MEGF6: variants seen among roughly 807,000 people sequenced by gnomAD.
MEGF6 encodes the protein multiple epidermal growth factor-like domains protein 6.
Under a neutral mutation model 207.1 loss-of-function variants are expected in MEGF6, and 184 were observed. That is an observed-to-expected ratio of 0.89 (90% CI 0.79 to 1.00). The LOEUF is 1.00. Ranked by LOEUF, MEGF6 falls within the 50% of genes least tolerant of loss-of-function variation. The probability of loss-of-function intolerance (pLI) is 0.00; values close to 1 mark genes in which losing one functional copy is unlikely to be tolerated. For synonymous variants in MEGF6, 1,038 were observed against 910.0 expected (o/e 1.14, Z -2.53); for missense variants, 2,282 against 2,202.9 (o/e 1.04, Z -0.72).
At chr1:3,541,616 G>T (rs966438866) in intron 4 of MEGF6, among the ~76,000 whole-genome samples, 1 of 152,192 alleles carries the variant, frequency 6.6e-6, no homozygotes, top group Non-Finnish European at 1.5e-5. Context: ...CCCGAGGGGG[G>T]CAGCCGGTCA....
intron 2 of MEGF6, among the ~76,000 whole-genome samples, chr1:3,596,512 C>T (rs1644068499): frequency 7.6e-6 from 1 of 130,740 alleles, no homozygotes; most frequent in African/African-American, 2.9e-5. Context: ...GCCCCCGTCT[C>T]CACCCCAGGG....
At chr1:3,605,148 ACACT>A (rs3072238) in intron 1 of MEGF6, among the ~76,000 whole-genome samples, 48,301 of 151,410 alleles carry the variant, frequency 0.32, 7,811 homozygotes, top group Admixed American at 0.38. Context: ...ACACAGTCAC[ACACT>A]CACAGTCACA....
rs560085187 is a variant in MEGF6 at position 3,590,559 on chromosome 1, C to T, written c.376+4779G>A. Among the ~76,000 whole-genome samples the T allele has an allele frequency of 2.0e-4, 30 of 152,324 alleles. No homozygotes were observed. In the South Asian group the frequency reaches 4.8e-3, roughly 24 times the overall value. ...TCATAACACGATTAGCAGCTTCCGG[C>T]CAGTCTCACGGGCGTTAGCCTACTC... On this transcript the variant is annotated intron_variant, in intron 3 of 36. Coordinates refer to ENST00000356575, the MANE Select transcript of MEGF6 (RefSeq NM_001409.4).
At position 3,499,728 on chromosome 1, in the gene MEGF6, G is replaced by A. The variant is rs745377387; in HGVS notation, c.2837-12C>T. On this transcript the variant is annotated splice_polypyrimidine_tract_variant and intron_variant, in intron 22 of 36. Coordinates refer to ENST00000356575, the MANE Select transcript of MEGF6 (RefSeq NM_001409.4). ...GCCGGCCGGGCAGGCTGCAGACAGCGGGCAGTGATGTGGAGGGGCCCACAC... is the reference window on the plus strand; with the variant it reads ...GCCGGCCGGGCAGGCTGCAGACAGCAGGCAGTGATGTGGAGGGGCCCACAC... The A allele has an allele frequency of 5.1e-5, 82 of 1,602,198 alleles. No homozygotes were observed. Among genetic ancestry groups the A allele is most frequent in the South Asian group, 3.0e-4 (27 of 89,190 alleles).
rs1429878805 is a variant in MEGF6 at position 3,611,449 on chromosome 1, G to A, written c.-181C>T. The A allele has an allele frequency of 3.7e-6, 3 of 801,970 alleles. No individual in the cohort carries two copies. The highest frequency in any genetic ancestry group is 3.7e-5 in the African/African-American group (2 of 54,680). 49.7% of individuals were successfully genotyped at this position (801,970 alleles called of 1,614,324 possible). A position where few individuals can be genotyped will look rare whatever the true frequency, so the allele number is the denominator to read the frequency against. On this transcript the variant is annotated 5_prime_UTR_variant, in exon 1 of 37. Transcript: ENST00000356575. The stretch of plus-strand genomic sequence containing the variant: ...TCCCGCCCGCGCCCAAAGTGGCACC[G>A]CGGAGACCTGATCGCCGGGTCCACC...
At chr1:3,566,804 G>A (rs879381108) in intron 4 of MEGF6, among the ~76,000 whole-genome samples, 10 of 152,320 alleles carry the variant, frequency 6.6e-5, no homozygotes, top group Middle Eastern at 3.4e-3. Flanking sequence ...CTGGGTCCTC[G>A]GTGCTACAAA....
At chr1:3,513,798 C>T (rs1203059623) in intron 7 of MEGF6, among the ~76,000 whole-genome samples, 2 of 151,578 alleles carry the variant, frequency 1.3e-5, no homozygotes, top group Non-Finnish European at 2.9e-5. Context: ...CGCCATGCTG[C>T]CTAGGCTGGT....
chr1:3,505,377 C>A, intron 16 of MEGF6, 35 bp from the exon 17 acceptor site: 1 of 1,605,858 alleles, frequency 6.2e-7, no homozygotes, highest in Non-Finnish European at 8.5e-7. Context: ...GTGGGGTTAA[C>A]CGACCCTGGC....
In MEGF6 at chr1:3,594,335, G is replaced by A. The variant is rs961711984; in HGVS notation, c.376+1003C>T. On this transcript the variant is annotated intron_variant, in intron 3 of 36. Coordinates refer to ENST00000356575, the MANE Select transcript of MEGF6 (RefSeq NM_001409.4). The surrounding 1 kb of genome is among the most constrained non-coding windows in gnomAD (Gnocchi z 4.2). ...TCTCAGCCACTCGGGAGGCTGAGGT[G>A]GGAGGATTGCTTGAGTCCAGGAATT... Among the ~76,000 whole-genome samples, 2 of 152,206 alleles carry A rather than the reference G, an allele frequency of 1.3e-5. No individual in the cohort carries two copies. The highest frequency in any genetic ancestry group is 4.8e-5 in the African/African-American group (2 of 41,450).
At chr1:3,496,912 C>T in intron 28 of MEGF6, 76 bp downstream of exon 28, 7 of 1,527,698 alleles carry the variant, frequency 4.6e-6, no homozygotes, top group Non-Finnish European at 6.2e-6. Flanking sequence ...AGGGCCTTCC[C>T]GGGGACCAGG....
At chr1:3,610,359 G>A (rs1231643011) in intron 1 of MEGF6, among the ~76,000 whole-genome samples, 2 of 152,168 alleles carry the variant, frequency 1.3e-5, no homozygotes, top group Non-Finnish European at 2.9e-5. Flanking sequence ...GGGCCCCTCT[G>A]TGGCCCCTGG....
chr1:3,494,545 C>A, intron 31 of MEGF6, 46 bp from the exon 32 acceptor site: 1 of 1,568,772 alleles, frequency 6.4e-7, no homozygotes, highest in Non-Finnish European at 8.6e-7. Flanking sequence ...CAGCCTTGCC[C>A]AGCCCTATGG....
At chr1:3,607,076 G>T (rs1276261088) in intron 1 of MEGF6, among the ~76,000 whole-genome samples, 2 of 151,978 alleles carry the variant, frequency 1.3e-5, no homozygotes, top group Admixed American at 1.3e-4. Flanking sequence ...GAGACATCAG[G>T]GACACGGCCG....
At chr1:3,550,585 C>T (rs1483013711) in intron 4 of MEGF6, among the ~76,000 whole-genome samples, 2 of 152,244 alleles carry the variant, frequency 1.3e-5, no homozygotes, top group Admixed American at 1.3e-4. Context: ...CTGGATTCTG[C>T]ACCTCACTTC....
At chr1:3,584,715 T>C (rs976701878) in intron 3 of MEGF6, among the ~76,000 whole-genome samples, 1 of 152,230 alleles carries the variant, frequency 6.6e-6, no homozygotes, top group African/African-American at 2.4e-5. Context: ...CAGGGACTCC[T>C]GCCCCTTCTG....
intron 4 of MEGF6, among the ~76,000 whole-genome samples, chr1:3,566,840 A>G (rs781698226): frequency 1.1e-4 from 17 of 152,046 alleles, no homozygotes; most frequent in Non-Finnish European, 2.2e-4. Flanking sequence ...GCTCACCCAG[A>G]CTCAGGAGGC....
chr1:3,520,165 C>G (rs1406480799), intron 5 of MEGF6, among the ~76,000 whole-genome samples: 1 of 152,242 alleles, frequency 6.6e-6, no homozygotes, highest in Non-Finnish European at 1.5e-5. Context: ...GGCCCTCAGA[C>G]AGGGCCCAGG....
Position 3,510,989 on chromosome 1 carries a change from C to T in MEGF6, c.1115-87G>A, listed in dbSNP as rs1210364419. The T allele has an allele frequency of 1.7e-5, 25 of 1,514,758 alleles. 1 individual carries two copies. Among genetic ancestry groups the T allele is most frequent in the Non-Finnish European group, 3.6e-6 (4 of 1,124,624 alleles). The allele number at this position is 1,514,758 out of a possible 1,614,324, so 93.8% of individuals were successfully genotyped here. A position where few individuals can be genotyped will look rare whatever the true frequency, so the allele number is the denominator to read the frequency against. On this transcript the variant is annotated intron_variant, in intron 9 of 36. Coordinates refer to ENST00000356575, the MANE Select transcript of MEGF6 (RefSeq NM_001409.4). Reference sequence around the variant, plus strand: ...CCACACACAACTGCATACGACCACACACAACCCACGCGCCCGACTGCACCT... The same window carrying T: ...CCACACACAACTGCATACGACCACATACAACCCACGCGCCCGACTGCACCT...
intron 1 of MEGF6, among the ~76,000 whole-genome samples, chr1:3,605,930 C>T (rs933977087): frequency 1.3e-5 from 2 of 152,246 alleles, no homozygotes; most frequent in South Asian, 4.1e-4. Context: ...GGTGGCACCC[C>T]CGTGCTTCCT....
Sources: gnomAD v4.1 joint callset for allele counts (sites outside exome capture counted in the v4.1 genomes callset) on GRCh38, gnomAD v4.1.1 for gene constraint, Gnocchi (gnomAD v3.1) non-coding constraint, MANE v1.5 for transcripts, NCBI Gene and HGNC (gene_info 2026-07-23, HGNC 2026-07-21) for gene names.